COL25A1: variants seen among roughly 807,000 people sequenced by gnomAD.
COL25A1 encodes the protein collagen type XXV alpha 1 chain.
Under a neutral mutation model 128.4 loss-of-function variants are expected in COL25A1, and 103 were observed. That is an observed-to-expected ratio of 0.80 (90% CI 0.68 to 0.94). COL25A1 has a LOEUF of 0.94. COL25A1 is among the 40% of genes least tolerant of loss of function. COL25A1 has a pLI of 0.00. For synonymous variants in COL25A1, 279 were observed against 277.2 expected (o/e 1.01, Z -0.06); for missense variants, 745 against 840.0 (o/e 0.89, Z 1.40).
At chr4:109,212,131 T>C (rs757383453) in intron 3 of COL25A1, among the ~76,000 whole-genome samples, 4 of 152,158 alleles carry the variant, frequency 2.6e-5, no homozygotes, top group Non-Finnish European at 4.4e-5. Context: ...GATCTGGTTA[T>C]CCATTGCTCA....
chr4:109,296,213 C>A (rs1487448777), intron 3 of COL25A1, among the ~76,000 whole-genome samples: 1 of 152,036 alleles, frequency 6.6e-6, no homozygotes, highest in Non-Finnish European at 1.5e-5. Flanking sequence ...AAAGGCAAAT[C>A]AGCTTTTTAT....
At position 109,034,782 on chromosome 4, in the gene COL25A1, T is replaced by A. The variant is rs557997792; in HGVS notation, c.420+13386A>T. Among the ~76,000 whole-genome samples the A allele has an allele frequency of 3.9e-5, 6 of 152,328 alleles. No homozygotes were observed. In the South Asian group the frequency reaches 1.2e-3, roughly 32 times the overall value. On this transcript the variant is annotated intron_variant, in intron 5 of 37. Coordinates refer to ENST00000399132, the MANE Select transcript of COL25A1 (RefSeq NM_198721.4). ...AGACAAGTCAATATCTTGGTCAATTTCTATATATGCATCACTTTGAAAGTT... is the reference window on the plus strand; with the variant it reads ...AGACAAGTCAATATCTTGGTCAATTACTATATATGCATCACTTTGAAAGTT...
intron 3 of COL25A1, among the ~76,000 whole-genome samples, chr4:109,206,004 T>C (rs894045981): frequency 6.6e-6 from 1 of 152,104 alleles, no homozygotes; most frequent in Non-Finnish European, 1.5e-5. Context: ...AAATTCCCAG[T>C]TTTCAGGGAC....
At chr4:109,256,508 T>TA (rs1408710550) in intron 3 of COL25A1, among the ~76,000 whole-genome samples, 8 of 152,126 alleles carry the variant, frequency 5.3e-5, no homozygotes, top group African/African-American at 1.9e-4. Context: ...ATTTATTTTT[T>TA]AAAAAATAAG....
intron 3 of COL25A1, among the ~76,000 whole-genome samples, chr4:109,289,649 T>A (rs1254437822): frequency 6.6e-6 from 1 of 152,028 alleles, no homozygotes; most frequent in Non-Finnish European, 1.5e-5. Context: ...TAAAGTGTCA[T>A]CAACAGAATG....
intron 19 of COL25A1, among the ~76,000 whole-genome samples, chr4:108,872,552 C>T (rs1458503903): frequency 1.3e-5 from 2 of 152,114 alleles, no homozygotes; most frequent in Non-Finnish European, 2.9e-5. Context: ...ATAGGCTAAC[C>T]TTCCCCTGTC....
intron 6 of COL25A1, among the ~76,000 whole-genome samples, chr4:108,977,113 C>T (rs1275020905): frequency 4.6e-5 from 7 of 152,124 alleles, no homozygotes; most frequent in Non-Finnish European, 8.8e-5. Flanking sequence ...AGAAGGATAC[C>T]TATCTGGTGC....
At chr4:108,986,807 G>A (rs1419081354) in intron 6 of COL25A1, among the ~76,000 whole-genome samples, 2 of 152,156 alleles carry the variant, frequency 1.3e-5, no homozygotes, top group Admixed American at 6.5e-5. Context: ...AATTTTATTA[G>A]GGTTGATGAT....
intron 3 of COL25A1, among the ~76,000 whole-genome samples, chr4:109,226,391 ATT>A (rs1469365395): frequency 2.0e-5 from 3 of 152,124 alleles, no homozygotes; most frequent in Admixed American, 6.5e-5. Context: ...AGAAAAAATA[ATT>A]TTTCTCAGTA....
At chr4:109,253,039 A>C (rs1044548528) in intron 3 of COL25A1, among the ~76,000 whole-genome samples, 1 of 152,112 alleles carries the variant, frequency 6.6e-6, no homozygotes, top group Non-Finnish European at 1.5e-5. Flanking sequence ...TCTCTTTCCT[A>C]CTGGAAATTG....
chr4:108,995,003 A>G (rs944489167), intron 6 of COL25A1, among the ~76,000 whole-genome samples: 1 of 152,214 alleles, frequency 6.6e-6, no homozygotes, highest in African/African-American at 2.4e-5. Flanking sequence ...AACCACAAAG[A>G]TGGGAAGAAA....
chr4:109,251,460 A>G (rs1356901577), intron 3 of COL25A1, among the ~76,000 whole-genome samples: 3 of 152,168 alleles, frequency 2.0e-5, no homozygotes, highest in Non-Finnish European at 4.4e-5. Flanking sequence ...GAGACACGCT[A>G]GGAGATCCCC....
At chr4:109,263,346 A>T (rs1267216918) in intron 3 of COL25A1, among the ~76,000 whole-genome samples, 1 of 152,186 alleles carries the variant, frequency 6.6e-6, no homozygotes, top group Non-Finnish European at 1.5e-5. Context: ...AAAGGGTGGC[A>T]TACTCAAAAA....
chr4:108,958,646 T>C (rs563128446), intron 8 of COL25A1, among the ~76,000 whole-genome samples: 11 of 152,198 alleles, frequency 7.2e-5, no homozygotes, highest in Admixed American at 1.3e-4. Context: ...ACATATGCAA[T>C]TAAAAGACTA....
chr4:108,903,050 C>T (rs1477654591), intron 13 of COL25A1, among the ~76,000 whole-genome samples: 2 of 151,648 alleles, frequency 1.3e-5, no homozygotes, highest in Non-Finnish European at 2.9e-5. Context: ...ACCATGGTAG[C>T]CAGAGTTTTT....
At chr4:109,071,926 G>C (rs1763002532) in intron 3 of COL25A1, among the ~76,000 whole-genome samples, 1 of 152,144 alleles carries the variant, frequency 6.6e-6, no homozygotes, top group Non-Finnish European at 1.5e-5. Context: ...AATACCATTT[G>C]ACCCAGCCAT....
At chr4:108,918,305 C>CTA in intron 12 of COL25A1, 89 bp from the exon 13 acceptor site, 1 of 892,604 alleles carries the variant, frequency 1.1e-6, no homozygotes, top group Non-Finnish European at 1.7e-6. Flanking sequence ...GTAAGCCTTG[C>CTA]TAAAACATTT....
intron 24 of COL25A1, among the ~76,000 whole-genome samples, chr4:108,853,396 G>GTA (rs68026855): frequency 1.3e-4 from 1 of 7,604 alleles, no homozygotes; most frequent in Non-Finnish European, 6.4e-4. Context: ...GTGTGTGTGC[G>GTA]TGTGTGTGTG....
At chr4:109,218,751 T>G (rs1033506321) in intron 3 of COL25A1, among the ~76,000 whole-genome samples, 4 of 152,140 alleles carry the variant, frequency 2.6e-5, no homozygotes, top group African/African-American at 9.7e-5. Flanking sequence ...TCCCTGAATA[T>G]GTAAGCCCTG....
Sources: gnomAD v4.1 joint callset for allele counts (sites outside exome capture counted in the v4.1 genomes callset) on GRCh38, gnomAD v4.1.1 for gene constraint, MANE v1.5 for transcripts, NCBI Gene and HGNC (gene_info 2026-07-23, HGNC 2026-07-21) for gene names.